The following GRID1 variants were observed in gnomAD, a reference collection of about 807,000 sequenced individuals.
GRID1 encodes the protein glutamate receptor ionotropic, delta-1.
In GRID1, 28 loss-of-function variants were observed where a neutral mutation model predicts 98.0. The observed-to-expected ratio is 0.29, with a 90% CI of 0.21 to 0.39. The LOEUF is 0.39. GRID1 is among the 10% of genes least tolerant of loss of function. GRID1 has a pLI of 1.00. For missense variants in GRID1, 1,111 were observed against 1,340.5 expected, an observed-to-expected ratio of 0.83 and a Z score of 2.67; for synonymous variants, 553 against 538.5, an observed-to-expected ratio of 1.03 and a Z score of -0.37.
chr10:86,316,224 C>T (rs1847896490), intron 2 of GRID1, among the ~76,000 whole-genome samples: 1 of 152,226 alleles, frequency 6.6e-6, no homozygotes. Flanking sequence ...AGGTGTGCCC[C>T]AGAATCCCCC....
chr10:86,113,798 C>G (rs1355039850), intron 4 of GRID1, among the ~76,000 whole-genome samples: 1 of 152,130 alleles, frequency 6.6e-6, no homozygotes. Context: ...TTCAGATAAC[C>G]GAGGGGCTGA....
At chr10:85,746,107 G>GAGTT (rs1841994156) in intron 8 of GRID1, among the ~76,000 whole-genome samples, 1 of 152,146 alleles carries the variant, frequency 6.6e-6, no homozygotes, top group African/African-American at 2.4e-5. Context: ...GATTGCAAGG[G>GAGTT]AGTTATATCA....
At chr10:86,128,256 C>T (rs1844782302) in intron 4 of GRID1, among the ~76,000 whole-genome samples, 1 of 152,048 alleles carries the variant, frequency 6.6e-6, no homozygotes, top group South Asian at 2.1e-4. Context: ...TTATTTAAAT[C>T]GAAGTGGTTC....
At position 86,285,685 on chromosome 10, in the gene GRID1, G is replaced by A. The variant is rs78672614; in HGVS notation, c.235+78256C>T. ...GATGAGGGCGCAGCTGTAGGTGCTG[G>A]TGTTGGCATGGCTGTAGGTCTAGGA... On this transcript the variant is annotated intron_variant, in intron 2 of 15. Coordinates refer to ENST00000327946, the MANE Select transcript of GRID1 (RefSeq NM_017551.3). Among the ~76,000 whole-genome samples the A allele has an allele frequency of 4.3e-3, 657 of 152,334 alleles. 6 individuals carry two copies. The highest frequency in any genetic ancestry group is 0.015 in the African/African-American group (625 of 41,568).
At chr10:85,658,719 G>T (rs1382683005) in intron 12 of GRID1, among the ~76,000 whole-genome samples, 2 of 152,012 alleles carry the variant, frequency 1.3e-5, no homozygotes, top group Admixed American at 1.3e-4. Context: ...AAGAGGGAGG[G>T]TTCATGGGAA....
chr10:85,832,679 C>A (rs72842912), intron 8 of GRID1, among the ~76,000 whole-genome samples: 8,169 of 152,110 alleles, frequency 0.054, 541 homozygotes, highest in East Asian at 0.27. Context: ...TGGAACTCAG[C>A]GCTAGAGGAA....
At chr10:85,698,831 T>C (rs1284578029) in intron 12 of GRID1, among the ~76,000 whole-genome samples, 1 of 152,200 alleles carries the variant, frequency 6.6e-6, no homozygotes, top group African/African-American at 2.4e-5. Context: ...GCGTCTTGGA[T>C]TGTGGCCATG....
At chr10:86,026,780 GA>G (rs1488402296) in intron 4 of GRID1, among the ~76,000 whole-genome samples, 1 of 152,240 alleles carries the variant, frequency 6.6e-6, no homozygotes, top group African/African-American at 2.4e-5. Context: ...TGGATGACCA[GA>G]GACTGGTGCT....
At chr10:86,305,730 T>C (rs1201306640) in intron 2 of GRID1, among the ~76,000 whole-genome samples, 1 of 152,144 alleles carries the variant, frequency 6.6e-6, no homozygotes, top group Non-Finnish European at 1.5e-5. Context: ...AACAGATGGC[T>C]CCCCTGGGAT....
chr10:86,127,731 T>C (rs1844774769), intron 4 of GRID1, among the ~76,000 whole-genome samples: 1 of 152,136 alleles, frequency 6.6e-6, no homozygotes, highest in Admixed American at 6.5e-5. Context: ...CTCACTTGGC[T>C]CTGTGAGCTA....
At chr10:86,073,337 G>A (rs1485710856) in intron 4 of GRID1, among the ~76,000 whole-genome samples, 3 of 152,200 alleles carry the variant, frequency 2.0e-5, no homozygotes, top group Non-Finnish European at 2.9e-5. Context: ...AGGGGGACTG[G>A]TGTTTATTCC....
At chr10:85,834,831 CACTT>C (rs567939145) in intron 8 of GRID1, among the ~76,000 whole-genome samples, 16 of 152,156 alleles carry the variant, frequency 1.1e-4, no homozygotes, top group Non-Finnish European at 1.8e-4. Context: ...TATGATTTAG[CACTT>C]ACTTAAATGC....
intron 4 of GRID1, among the ~76,000 whole-genome samples, chr10:85,927,642 G>A (rs1026345006): frequency 6.6e-6 from 1 of 152,112 alleles, no homozygotes; most frequent in Non-Finnish European, 1.5e-5. Context: ...TATACCCGGT[G>A]TTTATTTTTC....
chr10:86,202,741 C>T (rs1845971880), intron 3 of GRID1, among the ~76,000 whole-genome samples: 2 of 152,184 alleles, frequency 1.3e-5, no homozygotes, highest in African/African-American at 4.8e-5. Context: ...GCTCAAATGC[C>T]CAGTCCTCAG....
At chr10:86,302,098 T>C (rs1450434175) in intron 2 of GRID1, among the ~76,000 whole-genome samples, 3 of 152,160 alleles carry the variant, frequency 2.0e-5, no homozygotes, top group Non-Finnish European at 4.4e-5. Context: ...CACAGCTCCA[T>C]TTATTTGACC....
chr10:85,755,270 A>G (rs1347160162), intron 8 of GRID1, among the ~76,000 whole-genome samples: 2 of 152,192 alleles, frequency 1.3e-5, no homozygotes, highest in Non-Finnish European at 2.9e-5. Flanking sequence ...TATTATTTCT[A>G]ACAGTTCAAT....
intron 8 of GRID1, among the ~76,000 whole-genome samples, chr10:85,788,234 C>G (rs1199538279): frequency 1.3e-5 from 2 of 152,114 alleles, no homozygotes; most frequent in Non-Finnish European, 2.9e-5. Context: ...TGCTCTTTCT[C>G]TGTGGGAGAA....
At chr10:85,888,215 C>T (rs1841145230) in intron 5 of GRID1, among the ~76,000 whole-genome samples, 1 of 152,210 alleles carries the variant, frequency 6.6e-6, no homozygotes, top group East Asian at 1.9e-4. Context: ...TCTGCCTGCC[C>T]TCATACTCTG....
intron 8 of GRID1, among the ~76,000 whole-genome samples, chr10:85,801,509 A>G (rs921712921): frequency 1.3e-5 from 2 of 151,918 alleles, no homozygotes; most frequent in Non-Finnish European, 2.9e-5. Context: ...AAATAACTAA[A>G]TACAACAGAA....
Sources: gnomAD v4.1 joint callset for allele counts (sites outside exome capture counted in the v4.1 genomes callset) on GRCh38, gnomAD v4.1.1 for gene constraint, MANE v1.5 for transcripts, NCBI Gene and HGNC (gene_info 2026-07-23, HGNC 2026-07-21) for gene names.